GTF2A1L: variants seen among roughly 807,000 people sequenced by gnomAD.
The protein encoded by GTF2A1L is TFIIA-alpha and beta-like factor.
GTF2A1L carries 48 observed loss-of-function variants against 49.7 expected under a neutral mutation model. The observed-to-expected ratio is 0.97, with a 90% CI of 0.77 to 1.23. GTF2A1L has a LOEUF of 1.23. Among genes scored for constraint, GTF2A1L ranks in the 50% most tolerant of loss-of-function variants. GTF2A1L has a pLI of 0.00. For missense variants in GTF2A1L, 736 were observed against 564.8 expected (o/e 1.30, Z -3.07); for synonymous variants, 246 against 193.5 (o/e 1.27, Z -2.25).
In GTF2A1L at chr2:48,618,153, T is replaced by G. The variant is rs1178875597; in HGVS notation, c.21+258T>G. On this transcript the variant is annotated intron_variant, in intron 1 of 8. Coordinates refer to ENST00000403751, the MANE Select transcript of GTF2A1L (RefSeq NM_006872.5). ...TCTTTTTACCCAAACTGAGGCTATC[T>G]AGTTGGGGTGTTTAGAGGTGGAACT... 115 of 495,098 alleles carry G rather than the reference T, an allele frequency of 2.3e-4. 1 individual carries two copies. In the East Asian group the frequency reaches 3.8e-3, roughly 16 times the overall value. The allele number at this position is 495,098 out of a possible 1,614,324, so 30.7% of individuals were successfully genotyped here. A position where few individuals can be genotyped will look rare whatever the true frequency, so the allele number is the denominator to read the frequency against.
At chr2:48,674,512 C>T (rs1375840540) in intron 8 of GTF2A1L, among the ~76,000 whole-genome samples, 5 of 151,674 alleles carry the variant, frequency 3.3e-5, no homozygotes, top group East Asian at 3.9e-4. Flanking sequence ...AATAGAAAAC[C>T]GCAATTTAGA....
At position 48,620,920 on chromosome 2, in the gene GTF2A1L, A is replaced by G. The variant is rs1408162620; in HGVS notation, c.91A>G (p.Ile31Val). 3.7e-6 allele frequency: 6 copies of G among 1,607,342 alleles called. No individual in the cohort carries two copies. Among genetic ancestry groups the G allele is most frequent in the Middle Eastern group, 1.7e-4 (1 of 6,040 alleles). Residue 31 changes from isoleucine to valine, a missense_variant, in exon 2 of 9, where the codon ATA becomes GTA. Transcript: ENST00000403751. ...TCGGAATCTATTTGCTGAAGAAGGTATAGAGGAACAAGTTTTAAAAGACTT... is the reference window on the plus strand; with the variant it reads ...TCGGAATCTATTTGCTGAAGAAGGTGTAGAGGAACAAGTTTTAAAAGACTT... ...GVRNLFAEEG[I>V]EEQVLKDLKQ...
chr2:48,617,879 C>T lies in GTF2A1L; in HGVS notation c.5C>T (p.Ala2Val). The change falls in exon 1 of 9, where the codon GCC (alanine) becomes GTC (valine). Residue 2 changes from alanine to valine, a missense_variant. Coordinates refer to ENST00000403751, the MANE Select transcript of GTF2A1L (RefSeq NM_006872.5). ...CCAGGTGCTGGAGGTGCTGTCATGG[C>T]CTGCCTCAACCCGGTGGTAAGGAAG... M[A>V]CLNPVPKLYR... 6.4e-7 allele frequency: 1 copy of T among 1,551,848 alleles called. No homozygotes were observed. Among genetic ancestry groups the T allele is most frequent in the East Asian group, 2.4e-5 (1 of 40,922 alleles).
At chr2:48,620,737 A>G in intron 1 of GTF2A1L, 114 bp from the exon 2 acceptor site, 1 of 596,322 alleles carries the variant, frequency 1.7e-6, no homozygotes, top group Non-Finnish European at 2.2e-6. Context: ...AGTTCGTGCC[A>G]CCGCACTCCA....
chr2:48,644,879 T>G (rs1357939385), intron 4 of GTF2A1L, among the ~76,000 whole-genome samples, 154 bp from the exon 5 acceptor site: 1 of 152,218 alleles, frequency 6.6e-6, no homozygotes, highest in Non-Finnish European at 1.5e-5. Flanking sequence ...TATTGAAAAC[T>G]ATTTTATTCA....
At chr2:48,668,247 A>G (rs1678956573) in intron 6 of GTF2A1L, among the ~76,000 whole-genome samples, 1 of 152,138 alleles carries the variant, frequency 6.6e-6, no homozygotes, top group African/African-American at 2.4e-5. Context: ...CTACATTTCT[A>G]TATTCCAGTC....
At chr2:48,633,950 C>T (rs1322057849) in intron 3 of GTF2A1L, among the ~76,000 whole-genome samples, 5 of 152,052 alleles carry the variant, frequency 3.3e-5, no homozygotes, top group Non-Finnish European at 5.9e-5. Context: ...ATAGTGACCT[C>T]TGCTCTTTTT....
intron 6 of GTF2A1L, among the ~76,000 whole-genome samples, chr2:48,665,204 G>C (rs192384842): frequency 6.6e-6 from 1 of 151,764 alleles, no homozygotes; most frequent in Admixed American, 6.6e-5. Flanking sequence ...TTACGGGTGC[G>C]AGCCACCCTG....
chr2:48,641,815 G>A (rs1677211898), intron 3 of GTF2A1L, among the ~76,000 whole-genome samples: 2 of 152,154 alleles, frequency 1.3e-5, no homozygotes, highest in South Asian at 4.1e-4. Flanking sequence ...GTCTAATGTA[G>A]GTCGAGTTGT....
intron 3 of GTF2A1L, among the ~76,000 whole-genome samples, chr2:48,631,544 A>G (rs916883960): frequency 1.3e-5 from 2 of 151,490 alleles, no homozygotes; most frequent in African/African-American, 2.4e-5. Context: ...TGTTCTATCG[A>G]TATTGTTTAT....
intron 6 of GTF2A1L, among the ~76,000 whole-genome samples, chr2:48,669,420 G>A (rs918959078): frequency 4.6e-5 from 7 of 151,932 alleles, no homozygotes; most frequent in Admixed American, 6.6e-5. Context: ...ATCCTAATAG[G>A]TACTATATAA....
At chr2:48,664,581 T>C (rs910006748) in intron 6 of GTF2A1L, among the ~76,000 whole-genome samples, 1 of 152,160 alleles carries the variant, frequency 6.6e-6, no homozygotes, top group Non-Finnish European at 1.5e-5. Flanking sequence ...AATGAATTGC[T>C]ATGTATCTGT....
chr2:48,644,985 C>A (rs1339236719), intron 4 of GTF2A1L, 48 bp from the exon 5 acceptor site: 9 of 1,541,470 alleles, frequency 5.8e-6, no homozygotes, highest in Non-Finnish European at 7.9e-6. Flanking sequence ...AAAAAAGATA[C>A]AAGTAAAGTC....
intron 8 of GTF2A1L, among the ~76,000 whole-genome samples, chr2:48,673,508 G>A (rs541166449): frequency 3.6e-4 from 54 of 151,846 alleles, no homozygotes; most frequent in South Asian, 8.3e-4. Flanking sequence ...GACTACAGGC[G>A]CCTGCCACCA....
At chr2:48,670,205 C>G (rs938751488) in intron 7 of GTF2A1L, among the ~76,000 whole-genome samples, 2 of 152,086 alleles carry the variant, frequency 1.3e-5, no homozygotes, top group Admixed American at 1.3e-4. Context: ...CCAGCTTGGG[C>G]CAACATGGTG....
chr2:48,637,448 C>G (rs532652741), intron 3 of GTF2A1L, among the ~76,000 whole-genome samples: 170 of 152,086 alleles, frequency 1.1e-3, no homozygotes, highest in African/African-American at 4.0e-3. Flanking sequence ...TACAATATAC[C>G]AGAATCTCTG....
At position 48,652,099 on chromosome 2, in the gene GTF2A1L, A is replaced by G. The variant is rs556432087; in HGVS notation, c.978+5057A>G. Among the ~76,000 whole-genome samples the G allele has an allele frequency of 2.0e-5, 3 of 152,162 alleles. No homozygotes were observed. In the South Asian group the frequency reaches 6.2e-4, roughly 32 times the overall value. On this transcript the variant is annotated intron_variant, in intron 6 of 8. Coordinates refer to ENST00000403751, the MANE Select transcript of GTF2A1L (RefSeq NM_006872.5). ...ATGATAACTCTTTTGCTGTTTTGAA[A>G]TTAAGTTTAGATTTGTAATTTTAAT...
At chr2:48,663,685 G>C (rs1166168413) in intron 6 of GTF2A1L, among the ~76,000 whole-genome samples, 1 of 151,858 alleles carries the variant, frequency 6.6e-6, no homozygotes, top group Non-Finnish European at 1.5e-5. Flanking sequence ...GTATTGCTCA[G>C]GCTGGAGTGC....
intron 6 of GTF2A1L, among the ~76,000 whole-genome samples, chr2:48,657,271 G>A (rs1678234108): frequency 6.6e-6 from 1 of 151,982 alleles, no homozygotes; most frequent in Admixed American, 6.6e-5. Context: ...TCCCTTTTTG[G>A]AGTCCCCAAT....
Sources: allele counts gnomAD v4.1 joint callset (sites outside exome capture counted in the v4.1 genomes callset), GRCh38; gene constraint gnomAD v4.1.1; transcripts MANE v1.5; gene names NCBI Gene and HGNC (gene_info 2026-07-23, HGNC 2026-07-21).